The following FRMPD4 variants were observed in gnomAD, a reference collection of about 807,000 sequenced individuals.
The protein encoded by FRMPD4 is FERM and PDZ domain-containing protein 4.
A neutral mutation model predicts 94.1 loss-of-function variants in FRMPD4; 22 were observed. The ratio of observed to expected loss-of-function variants is 0.23; its 90% CI spans 0.17 to 0.33. The LOEUF (loss-of-function observed/expected upper bound fraction) is 0.33. Among genes scored for constraint, FRMPD4 ranks in the 10% least tolerant of loss-of-function variants. The probability of loss-of-function intolerance (pLI) is 1.00; values close to 1 mark genes in which losing one functional copy is unlikely to be tolerated. For missense variants in FRMPD4, 1,111 were observed against 1,339.9 expected (o/e 0.83, Z 2.67); for synonymous variants, 631 against 548.6 (o/e 1.15, Z -2.10).
intron 1 of FRMPD4, among the ~76,000 whole-genome samples, chrX:12,153,003 G>T (rs1393949842): frequency 9.8e-6 from 1 of 101,723 alleles, no homozygotes; most frequent in African/African-American, 3.6e-5. Context: ...GCGCAATCTC[G>T]GCTCACTGCA....
intron 3 of FRMPD4, among the ~76,000 whole-genome samples, chrX:12,112,425 G>A (rs2055372909): frequency 9.1e-6 from 1 of 110,107 alleles, no homozygotes; most frequent in African/African-American, 3.3e-5. Flanking sequence ...CATGAGGTGG[G>A]AGGTAGGGGG....
Position 12,721,466 on chromosome X carries a change from G to A in FRMPD4, c.4897G>A (p.Glu1633Lys), listed in dbSNP as rs750839794. The change falls in exon 17 of 17, where the codon GAA becomes AAA. Residue 1633 changes from glutamate (E) to lysine (K), a missense_variant. Physicochemically the swap from Glu to Lys is moderately conservative, Grantham distance 56. Transcript: ENST00000675598. ...TKEKREESRP[E>K]AYDLTLSQYK... ...GGAGAAGAGGGAGGAGTCACGCCCT[G>A]AAGCGTACGACCTTACACTTTCTCA... is the stretch of plus-strand genomic sequence containing the variant. 25 of 753,255 alleles carry A rather than the reference G, an allele frequency of 3.3e-5. No homozygotes were observed. Among genetic ancestry groups the A allele is most frequent in the Non-Finnish European group, 3.3e-5 (21 of 638,444 alleles). The allele number at this position is 753,255 out of a possible 1,213,427, so 62.1% of individuals were successfully genotyped here.
At chrX:11,928,608 T>C (rs1037606494) in intron 3 of FRMPD4, among the ~76,000 whole-genome samples, 4 of 112,057 alleles carry the variant, frequency 3.6e-5, no homozygotes, top group Non-Finnish European at 5.6e-5. Context: ...AGTAAAAAAA[T>C]AATAGATACT....
At chrX:11,987,556 A>G (rs1277394369) in intron 3 of FRMPD4, among the ~76,000 whole-genome samples, 1 of 111,681 alleles carries the variant, frequency 9.0e-6, no homozygotes, top group Non-Finnish European at 1.9e-5. Flanking sequence ...ACATAGTACT[A>G]GAAGTCCTAG....
At chrX:12,398,621 C>T (rs1293428685) in intron 1 of FRMPD4, among the ~76,000 whole-genome samples, 1 of 111,590 alleles carries the variant, frequency 9.0e-6, no homozygotes, top group Non-Finnish European at 1.9e-5. Flanking sequence ...GCCATATAGT[C>T]ATGTCAGATG....
At chrX:12,146,364 CAA>C (rs59744883) in intron 1 of FRMPD4, among the ~76,000 whole-genome samples, 2 of 98,632 alleles carry the variant, frequency 2.0e-5, no homozygotes. Flanking sequence ...GACTCTGTCT[CAA>C]AAAAAAAAAG....
intron 1 of FRMPD4, among the ~76,000 whole-genome samples, chrX:12,320,452 G>A (rs2055192018): frequency 9.0e-6 from 1 of 111,640 alleles, no homozygotes. Context: ...TGAATGCAAA[G>A]CACCCCCAGC....
intron 1 of FRMPD4, among the ~76,000 whole-genome samples, chrX:12,388,975 C>T (rs1298117605): frequency 9.3e-6 from 1 of 107,145 alleles, no homozygotes; most frequent in Non-Finnish European, 1.9e-5. Context: ...ACAAATACCA[C>T]ATGTTGTCAC....
intron 3 of FRMPD4, among the ~76,000 whole-genome samples, chrX:12,051,232 A>G (rs1488725172): frequency 8.9e-6 from 1 of 112,110 alleles, no homozygotes; most frequent in African/African-American, 3.2e-5. Flanking sequence ...AGAAGTACAT[A>G]CAGAGAAATA....
intron 1 of FRMPD4, among the ~76,000 whole-genome samples, chrX:12,333,943 C>T (rs954934448): frequency 5.4e-5 from 6 of 111,935 alleles, no homozygotes; most frequent in Non-Finnish European, 9.4e-5. Flanking sequence ...AGATTAGAAA[C>T]AGGTTTCCCT....
intron 1 of FRMPD4, among the ~76,000 whole-genome samples, chrX:12,346,534 C>A (rs2147967159): frequency 9.0e-6 from 1 of 111,478 alleles, no homozygotes; most frequent in East Asian, 2.8e-4. Context: ...CTCCAGAGAA[C>A]CGCTGCGTAG....
At chrX:12,030,420 G>A (rs2054685086) in intron 3 of FRMPD4, among the ~76,000 whole-genome samples, 1 of 111,637 alleles carries the variant, frequency 9.0e-6, no homozygotes, top group South Asian at 3.8e-4. Flanking sequence ...TTTTTTTGTG[G>A]GGGGGAGGTC....
intron 2 of FRMPD4, among the ~76,000 whole-genome samples, chrX:12,548,765 C>G (rs140289264): frequency 8.9e-6 from 1 of 112,145 alleles, no homozygotes; most frequent in African/African-American, 3.2e-5. Flanking sequence ...TAGGTCTTAT[C>G]TAGTTGGGCC....
intron 3 of FRMPD4, among the ~76,000 whole-genome samples, chrX:11,960,555 G>A: frequency 1.8e-5 from 2 of 112,185 alleles, no homozygotes. Context: ...ACTTCCACAT[G>A]GATATTTGAA....
At chrX:12,173,584 C>T (rs754182008) in intron 1 of FRMPD4, among the ~76,000 whole-genome samples, 1 of 112,225 alleles carries the variant, frequency 8.9e-6, no homozygotes, top group Non-Finnish European at 1.9e-5. Flanking sequence ...TTCAACCTGG[C>T]TTTGCTACCA....
chrX:12,300,558 G>A (rs936366026), intron 1 of FRMPD4, among the ~76,000 whole-genome samples: 1 of 112,327 alleles, frequency 8.9e-6, no homozygotes, highest in Non-Finnish European at 1.9e-5. Context: ...TTTCTTTCAG[G>A]ATTTCTAATC....
intron 1 of FRMPD4, among the ~76,000 whole-genome samples, chrX:12,206,727 C>A (rs2147731101): frequency 8.9e-6 from 1 of 111,929 alleles, no homozygotes; most frequent in South Asian, 3.8e-4. Flanking sequence ...GATATCCTTA[C>A]TATCCTGATC....
In FRMPD4 at chrX:12,332,125, T is replaced by A. The variant is rs1187026938; in HGVS notation, c.42-166555T>A. On this transcript the variant is annotated intron_variant, in intron 1 of 16. Coordinates refer to ENST00000675598, the MANE Select transcript of FRMPD4 (RefSeq NM_001368397.1). ...ATTTATATTATATATAATTTATATT[T>A]TATATATTATATATAATTTATATTT... is the stretch of plus-strand genomic sequence containing the variant. 5.9e-4 allele frequency among the ~76,000 whole-genome samples: 40 copies of A among 67,563 alleles called. 2 individuals are homozygous for A. The highest frequency in any genetic ancestry group is 1.9e-3 in the African/African-American group (37 of 19,733). 58.7% of individuals were successfully genotyped at this position (67,563 alleles called of 115,157 possible).
At chrX:12,441,385 C>T (rs189043576) in intron 1 of FRMPD4, among the ~76,000 whole-genome samples, 36 of 112,386 alleles carry the variant, frequency 3.2e-4, no homozygotes, top group Admixed American at 3.0e-3. Context: ...TTAAAAATAA[C>T]AAAGTACACA....
Sources: gnomAD v4.1 joint callset for allele counts (sites outside exome capture counted in the v4.1 genomes callset) on GRCh38, gnomAD v4.1.1 for gene constraint, MANE v1.5 for transcripts, NCBI Gene and HGNC (gene_info 2026-07-23, HGNC 2026-07-21) for gene names.